KLHDC4: variants seen among roughly 807,000 people sequenced by gnomAD.
KLHDC4 encodes the protein kelch domain-containing protein 4.
Under a neutral mutation model 62.4 loss-of-function variants are expected in KLHDC4, and 90 were observed. That is an observed-to-expected ratio of 1.44 (90% confidence interval 1.22 to 1.72). KLHDC4 has a LOEUF of 1.72. KLHDC4 is among the 40% of genes most tolerant of loss of function. The pLI, the probability that KLHDC4 is intolerant of heterozygous loss-of-function variation, is 0.00. For synonymous variants in KLHDC4, 386 were observed against 284.4 expected, an observed-to-expected ratio of 1.36 and a Z score of -3.59; for missense variants, 1,025 against 699.7, an observed-to-expected ratio of 1.47 and a Z score of -5.25.
At chr16:87,701,793 C>T (rs2034155879) in exon 1 of KLHDC4, 1 of 456,676 alleles carries the variant, frequency 2.2e-6, no homozygotes, top group Admixed American at 2.3e-5. Flanking sequence ...CTTCTCCCGT[C>T]TGTGCCCCAT....
intron 8 of KLHDC4, among the ~76,000 whole-genome samples, chr16:87,711,672 C>G (rs924128571): frequency 2.6e-5 from 4 of 152,224 alleles, no homozygotes; most frequent in African/African-American, 9.6e-5. Flanking sequence ...TCCACACACC[C>G]CCAAGCACCT....
chr16:87,757,052 T>G (rs987789561), intron 2 of KLHDC4, among the ~76,000 whole-genome samples: 43 of 151,942 alleles, frequency 2.8e-4, no homozygotes, highest in African/African-American at 9.4e-4. Flanking sequence ...GGACCTCAAG[T>G]GATCTGCCCA....
At chr16:87,703,244 G>A (rs1327924273), downstream of KLHDC4, 1 of 152,244 alleles carries the variant, frequency 6.6e-6, no homozygotes, top group Non-Finnish European at 1.5e-5. Flanking sequence ...CGCGCGTGCA[G>A]GAATCGCGAG....
At chr16:87,755,436 G>T in intron 3 of KLHDC4, 144 bp from the exon 4 acceptor site, 1 of 536,102 alleles carries the variant, frequency 1.9e-6, no homozygotes, top group African/African-American at 1.9e-5. Context: ...GCCATGGGCT[G>T]GGTCCCCGGG....
chr16:87,709,613 C>G lies in KLHDC4; in HGVS notation c.1099G>C (p.Gly367Arg). ...RRRGRKEEPE[G>R]GSRPACGGAG... The stretch of plus-strand genomic sequence containing the variant: ...CCCCCACACGCCGGCCTGCTACCAC[C>G]TTCGGGCTCCTCTTTTCTGCCCCGC... The change falls in exon 10 of 12, where the codon GGT becomes CGT. Residue 367 changes from glycine to arginine, a missense_variant. Transcript: ENST00000270583. The G allele has an allele frequency of 6.2e-7, 1 of 1,610,266 alleles. No homozygotes were observed. Among genetic ancestry groups the G allele is most frequent in the Non-Finnish European group, 8.5e-7 (1 of 1,178,368 alleles).
intron 7 of KLHDC4, among the ~76,000 whole-genome samples, chr16:87,719,433 G>A (rs1020766090): frequency 6.6e-6 from 1 of 152,182 alleles, no homozygotes; most frequent in Admixed American, 6.5e-5. Flanking sequence ...TAAGGGCGGT[G>A]CAAGATGTAC....
At position 87,748,805 on chromosome 16, in the gene KLHDC4, A is replaced by G. The variant is rs79810328; in HGVS notation, c.374T>C (p.Val125Ala). The G allele has an allele frequency of 1.1e-5, 17 of 1,610,828 alleles. No individual in the cohort carries two copies. Among genetic ancestry groups the G allele is most frequent in the Non-Finnish European group, 1.4e-5 (16 of 1,179,240 alleles). Reference sequence around the variant, plus strand: ...CTGTCCGCCACCTTGAGGCACTACCACCGCCTGTGAAAAGAAAGGTGACAG... The same window carrying G: ...CTGTCCGCCACCTTGAGGCACTACCGCCGCCTGTGAAAAGAAAGGTGACAG... ...PPPRRCAHQA[V>A]VVPQGGGQLW... is the part of the protein sequence containing the mutation. Residue 125 changes from valine (V) to alanine (A), a missense_variant, in exon 5 of 12, where the codon GTG becomes GCG. Val to Ala is a moderately conservative substitution (Grantham distance 64). Coordinates refer to ENST00000270583, the MANE Select transcript of KLHDC4 (RefSeq NM_017566.4).
chr16:87,756,328 G>A (rs2143325072), intron 3 of KLHDC4, 71 bp downstream of exon 3: 1 of 1,171,870 alleles, frequency 8.5e-7, no homozygotes, highest in African/African-American at 1.5e-5. Flanking sequence ...TGATGTCACT[G>A]CCTTAAGTTA....
chr16:87,735,514 C>A (rs1036032470), intron 5 of KLHDC4, among the ~76,000 whole-genome samples: 1 of 152,202 alleles, frequency 6.6e-6, no homozygotes, highest in Non-Finnish European at 1.5e-5. Context: ...GCATGGGAAC[C>A]CCACCAGAGT....
chr16:87,728,522 G>C (rs1401572780), intron 6 of KLHDC4, among the ~76,000 whole-genome samples: 2 of 152,170 alleles, frequency 1.3e-5, no homozygotes, highest in Non-Finnish European at 2.9e-5. Context: ...TAAAATGGTT[G>C]CAAGTTAAAA....
intron 8 of KLHDC4, among the ~76,000 whole-genome samples, chr16:87,713,655 C>G (rs369561739): frequency 6.6e-6 from 1 of 152,022 alleles, no homozygotes; most frequent in Non-Finnish European, 1.5e-5. Flanking sequence ...ACGCCGCCAA[C>G]AGTTCATCTC....
intron 5 of KLHDC4, among the ~76,000 whole-genome samples, chr16:87,744,325 G>C (rs1053878921): frequency 1.3e-5 from 2 of 151,750 alleles, no homozygotes; most frequent in East Asian, 3.9e-4. Context: ...TGAGGCAGGA[G>C]AATTGCTTGA....
chr16:87,726,162 G>A (rs967914348), intron 7 of KLHDC4, among the ~76,000 whole-genome samples: 1 of 151,766 alleles, frequency 6.6e-6, no homozygotes, highest in African/African-American at 2.4e-5. Context: ...AGACAGCAGC[G>A]CCTATTTTCC....
intron 2 of KLHDC4, among the ~76,000 whole-genome samples, chr16:87,757,005 G>C (rs111803868): frequency 0.23 from 34,831 of 151,574 alleles, 4,034 homozygotes; most frequent in East Asian, 0.29. Flanking sequence ...AGTAGAGATG[G>C]GGTTTCACTG....
At chr16:87,752,875 G>A (rs1006971782) in intron 4 of KLHDC4, among the ~76,000 whole-genome samples, 7 of 152,218 alleles carry the variant, frequency 4.6e-5, no homozygotes, top group Non-Finnish European at 8.8e-5. Context: ...CCTGTACCAC[G>A]TTAGCTCCGC....
chr16:87,759,098 G>C (rs2045470009), intron 2 of KLHDC4, among the ~76,000 whole-genome samples: 1 of 152,136 alleles, frequency 6.6e-6, no homozygotes. Context: ...CTTGAACCTG[G>C]GAGGTGGAGG....
chr16:87,707,790 C>G (rs577764916), downstream of KLHDC4: 16 of 369,502 alleles, frequency 4.3e-5, no homozygotes, highest in African/African-American at 3.2e-4. Context: ...TAGGGCCACA[C>G]AGAAGACACC....
chr16:87,713,071 G>A (rs1045137574), intron 8 of KLHDC4, among the ~76,000 whole-genome samples: 2 of 152,208 alleles, frequency 1.3e-5, no homozygotes, highest in African/African-American at 4.8e-5. Flanking sequence ...TCACTCTGTT[G>A]CCTAGGCTGG....
intron 5 of KLHDC4, among the ~76,000 whole-genome samples, chr16:87,748,442 A>G (rs1237803581): frequency 6.6e-6 from 1 of 152,152 alleles, no homozygotes. Flanking sequence ...CAACAAGAGG[A>G]ACCTGGAGAA....
Sources: gnomAD v4.1 joint callset for allele counts (sites outside exome capture counted in the v4.1 genomes callset) on GRCh38, gnomAD v4.1.1 for gene constraint, MANE v1.5 for transcripts, NCBI Gene and HGNC (gene_info 2026-07-23, HGNC 2026-07-21) for gene names.